CYTH3: variants seen among roughly 807,000 people sequenced by gnomAD.
CYTH3 encodes the protein cytohesin-3.
A neutral mutation model predicts 55.1 loss-of-function variants in CYTH3; 23 were observed. The observed-to-expected ratio is 0.42, with a 90% CI of 0.30 to 0.59. The LOEUF (loss-of-function observed/expected upper bound fraction) is 0.59. CYTH3 is among the 20% of genes least tolerant of loss of function. CYTH3 has a pLI of 0.20. For missense variants in CYTH3, 413 were observed against 524.8 expected (o/e 0.79, Z 2.08); for synonymous variants, 249 against 194.9 (o/e 1.28, Z -2.31).
intron 1 of CYTH3, among the ~76,000 whole-genome samples, chr7:6,259,137 T>C (rs1000771613): frequency 6.6e-6 from 1 of 152,206 alleles, no homozygotes; most frequent in African/African-American, 2.4e-5. Context: ...AAGTGAATTA[T>C]AAAGTTGCAG....
chr7:6,177,640 G>C lies in CYTH3; in HGVS notation c.368+183C>G, dbSNP rs145786969. On this transcript the variant is annotated intron_variant, in intron 5 of 12. Coordinates refer to ENST00000350796, the MANE Select transcript of CYTH3 (RefSeq NM_004227.4). ...ACGGTAATGCCTCTCTCCTCCCATG[G>C]ACACGGGAGAGGAACCGGTTGCACT... Among the ~76,000 whole-genome samples the C allele has an allele frequency of 2.9e-3, 447 of 152,342 alleles. 2 individuals carry two copies. Among genetic ancestry groups the C allele is most frequent in the African/African-American group, 0.011 (440 of 41,590 alleles).
chr7:6,165,687 G>A (rs757740683), intron 10 of CYTH3, 47 bp downstream of exon 10: 38 of 1,613,480 alleles, frequency 2.4e-5, no homozygotes, highest in South Asian at 1.4e-4. Flanking sequence ...CCCCAGGGCA[G>A]CTCCGGGACT....
chr7:6,222,226 G>C (rs1295031263), intron 1 of CYTH3, among the ~76,000 whole-genome samples: 3 of 152,206 alleles, frequency 2.0e-5, no homozygotes, highest in Admixed American at 1.3e-4. Flanking sequence ...TCCAAAGGCA[G>C]AGATGTCAAG....
intron 1 of CYTH3, among the ~76,000 whole-genome samples, chr7:6,194,868 G>A (rs543925388): frequency 4.6e-5 from 7 of 152,056 alleles, no homozygotes; most frequent in Admixed American, 6.6e-5. Context: ...CCAGCTACTC[G>A]GGAGGCTGAG....
intron 1 of CYTH3, among the ~76,000 whole-genome samples, chr7:6,194,024 C>A (rs1783862274): frequency 6.6e-6 from 1 of 152,168 alleles, no homozygotes; most frequent in Non-Finnish European, 1.5e-5. Context: ...CACCAACAAC[C>A]AGTACACCCA....
At chr7:6,228,668 G>A (rs1320024404) in intron 1 of CYTH3, among the ~76,000 whole-genome samples, 1 of 152,186 alleles carries the variant, frequency 6.6e-6, no homozygotes, top group African/African-American at 2.4e-5. Context: ...AATCCGGGCT[G>A]CCTCCCGCTC....
At chr7:6,253,610 G>GT (rs2115050653) in intron 1 of CYTH3, among the ~76,000 whole-genome samples, 1 of 151,960 alleles carries the variant, frequency 6.6e-6, no homozygotes, top group Non-Finnish European at 1.5e-5. Context: ...AAGGTCAGGA[G>GT]TTTGAGACCA....
intron 1 of CYTH3, among the ~76,000 whole-genome samples, chr7:6,234,763 C>T (rs576698044): frequency 3.0e-4 from 45 of 152,298 alleles, no homozygotes; most frequent in African/African-American, 1.0e-3. Flanking sequence ...CAAGATCAAC[C>T]CTTGGAGTTC....
rs1353717787 is a variant in CYTH3 at position 6,203,741 on chromosome 7, CAG to C, written c.35-13212_35-13211del. Among the ~76,000 whole-genome samples the C allele has an allele frequency of 3.3e-5, 5 of 150,586 alleles. No homozygotes were observed. The South Asian group carries it at 8.4e-4, about 25-fold the overall frequency. On this transcript the variant is annotated intron_variant, in intron 1 of 12. Coordinates refer to ENST00000350796, the MANE Select transcript of CYTH3 (RefSeq NM_004227.4). ...ATTCCACCTTTTTTTTTTTTGGAGA[CAG>C]AGTCTCGCTCTGTCGCCCAGGCTGG...
chr7:6,187,737 A>C lies in CYTH3; in HGVS notation c.118-16T>G. ...ATTTCAGCCTCTGTCAAAAAAGAAG[A>C]ATTTCGAGGTGGGGAGTGGGTCTTA... On this transcript the variant is annotated splice_polypyrimidine_tract_variant and intron_variant, in intron 2 of 12. Coordinates refer to ENST00000350796, the MANE Select transcript of CYTH3 (RefSeq NM_004227.4). The C allele has an allele frequency of 6.2e-7, 1 of 1,613,088 alleles. No individual in the cohort carries two copies. The highest frequency in any genetic ancestry group is 2.2e-5 in the East Asian group (1 of 44,862).
intron 4 of CYTH3, among the ~76,000 whole-genome samples, chr7:6,181,491 GCTC>G (rs1015293236): frequency 1.3e-4 from 20 of 152,092 alleles, no homozygotes; most frequent in East Asian, 3.9e-4. Context: ...AGCTTGCTGT[GCTC>G]CTCATTTCTT....
intron 1 of CYTH3, among the ~76,000 whole-genome samples, chr7:6,200,794 C>T (rs1303005928): frequency 1.3e-5 from 2 of 152,222 alleles, no homozygotes; most frequent in Non-Finnish European, 2.9e-5. Flanking sequence ...CTTGCTCTGT[C>T]ACTCAGTCTG....
intron 4 of CYTH3, among the ~76,000 whole-genome samples, chr7:6,181,679 G>A (rs1006083229): frequency 6.6e-6 from 1 of 152,142 alleles, no homozygotes; most frequent in Admixed American, 6.5e-5. Context: ...AATATTCCAA[G>A]ATTTCTTTGA....
intron 1 of CYTH3, among the ~76,000 whole-genome samples, chr7:6,225,783 G>A (rs1779235093): frequency 6.6e-6 from 1 of 151,756 alleles, no homozygotes; most frequent in Admixed American, 6.6e-5. Flanking sequence ...GGGTTCAAGC[G>A]GTTCTCCTGC....
At chr7:6,173,933 G>A (rs919766022) in intron 5 of CYTH3, among the ~76,000 whole-genome samples, 200 bp from the exon 6 acceptor site, 1 of 152,056 alleles carries the variant, frequency 6.6e-6, no homozygotes, top group African/African-American at 2.4e-5. Flanking sequence ...GGGCTCAAGT[G>A]GTCCTCCCAC....
intron 1 of CYTH3, among the ~76,000 whole-genome samples, chr7:6,232,633 C>T (rs1340609229): frequency 6.6e-6 from 1 of 152,152 alleles, no homozygotes; most frequent in Non-Finnish European, 1.5e-5. Context: ...GTGCCAGCAA[C>T]AGCCAGGACT....
intron 1 of CYTH3, among the ~76,000 whole-genome samples, chr7:6,250,300 T>C (rs1779929536): frequency 1.3e-5 from 2 of 152,198 alleles, no homozygotes; most frequent in South Asian, 4.1e-4. Context: ...ATAGCAAGGA[T>C]TTGATGTGGT....
At chr7:6,256,408 G>C (rs1045914012) in intron 1 of CYTH3, among the ~76,000 whole-genome samples, 2 of 152,204 alleles carry the variant, frequency 1.3e-5, no homozygotes, top group Non-Finnish European at 2.9e-5. Context: ...CAAATTCTTT[G>C]CTCCCCTTTA....
At chr7:6,241,458 C>T (rs1562406166) in intron 1 of CYTH3, among the ~76,000 whole-genome samples, 1 of 152,224 alleles carries the variant, frequency 6.6e-6, no homozygotes, top group East Asian at 1.9e-4. Context: ...CAATCTCACA[C>T]ATTGTTGATG....
Sources: gnomAD v4.1 joint callset for allele counts (sites outside exome capture counted in the v4.1 genomes callset) on GRCh38, gnomAD v4.1.1 for gene constraint, MANE v1.5 for transcripts, NCBI Gene and HGNC (gene_info 2026-07-23, HGNC 2026-07-21) for gene names.